Variants in GALNTL6 observed in about 807,000 individuals in gnomAD.
GALNTL6 encodes the protein polypeptide N-acetylgalactosaminyltransferase-like 6.
Under a neutral mutation model 73.7 loss-of-function variants are expected in GALNTL6, and 46 were observed. The observed-to-expected ratio is 0.62, with a 90% CI of 0.49 to 0.80. GALNTL6 has a LOEUF of 0.80. GALNTL6 is among the 30% of genes least tolerant of loss of function. The probability of loss-of-function intolerance (pLI) is 0.00; values close to 1 mark genes in which losing one functional copy is unlikely to be tolerated. For synonymous variants in GALNTL6, 259 were observed against 263.7 expected, an observed-to-expected ratio of 0.98 and a Z score of 0.17; for missense variants, 604 against 755.0, an observed-to-expected ratio of 0.80 and a Z score of 2.34.
rs558723460 is a variant in GALNTL6, at chr4:172,361,734, G to A, written c.553+13045G>A. Among the ~76,000 whole-genome samples the A allele has an allele frequency of 2.1e-4, 32 of 152,254 alleles. 1 individual carries two copies. In the South Asian group the frequency reaches 6.2e-3, roughly 30 times the overall value. ...GTTGAAGAAGAGGCCCTGGATGATGGTTCCAATCAAATAACCAATGACACA... is the reference window on the plus strand; with the variant it reads ...GTTGAAGAAGAGGCCCTGGATGATGATTCCAATCAAATAACCAATGACACA... On this transcript the variant is annotated intron_variant, in intron 5 of 12. Transcript: ENST00000506823.
At chr4:172,114,360 C>T (rs1732931605) in intron 2 of GALNTL6, among the ~76,000 whole-genome samples, 2 of 151,988 alleles carry the variant, frequency 1.3e-5, no homozygotes, top group South Asian at 4.1e-4. Context: ...AATCATCCTT[C>T]CTAATAAGAA....
intron 7 of GALNTL6, among the ~76,000 whole-genome samples, chr4:172,830,703 G>A (rs1742578289): frequency 6.6e-6 from 1 of 152,088 alleles, no homozygotes; most frequent in South Asian, 2.1e-4. Context: ...AAATCTTTCT[G>A]GTCTCTCCTC....
intron 3 of GALNTL6, among the ~76,000 whole-genome samples, chr4:172,251,695 AC>A (rs1174048206): frequency 6.6e-6 from 1 of 152,196 alleles, no homozygotes; most frequent in Admixed American, 6.6e-5. Context: ...GAACAGGTGA[AC>A]CTGGATTCCA....
At chr4:172,461,016 A>G (rs1043597640) in intron 5 of GALNTL6, among the ~76,000 whole-genome samples, 4 of 152,198 alleles carry the variant, frequency 2.6e-5, no homozygotes, top group Admixed American at 2.6e-4. Flanking sequence ...GCCCATATAT[A>G]CCATGGAATA....
intron 2 of GALNTL6, among the ~76,000 whole-genome samples, chr4:171,889,627 T>A (rs993174676): frequency 7.2e-5 from 11 of 152,096 alleles, no homozygotes; most frequent in African/African-American, 2.4e-4. Flanking sequence ...TTGCCTTATT[T>A]TAATGATTTA....
chr4:172,088,396 G>T (rs1304332915), intron 2 of GALNTL6, among the ~76,000 whole-genome samples: 1 of 152,118 alleles, frequency 6.6e-6, no homozygotes, highest in Non-Finnish European at 1.5e-5. Flanking sequence ...ATTTTAATGT[G>T]CATAGCATAA....
At chr4:172,014,455 C>T (rs1741122370) in intron 2 of GALNTL6, among the ~76,000 whole-genome samples, 2 of 151,970 alleles carry the variant, frequency 1.3e-5, no homozygotes, top group African/African-American at 4.8e-5. Flanking sequence ...TTTTGATTTG[C>T]ATTTCTTTGA....
chr4:172,706,255 A>G (rs1734347714), intron 5 of GALNTL6, among the ~76,000 whole-genome samples: 1 of 151,426 alleles, frequency 6.6e-6, no homozygotes, highest in Admixed American at 6.6e-5. Flanking sequence ...CCTCTAATGT[A>G]TTTTTCATTT....
At chr4:172,925,889 G>A (rs1240740822) in intron 8 of GALNTL6, among the ~76,000 whole-genome samples, 2 of 152,086 alleles carry the variant, frequency 1.3e-5, no homozygotes, top group Admixed American at 6.5e-5. Context: ...TGTTATGCAC[G>A]TACATCTGTA....
intron 5 of GALNTL6, among the ~76,000 whole-genome samples, chr4:172,598,253 C>T (rs1737936608): frequency 6.6e-6 from 1 of 152,078 alleles, no homozygotes; most frequent in South Asian, 2.1e-4. Context: ...AACATATTGG[C>T]AGTGATTTTT....
chr4:173,025,713 G>A (rs1250856223), intron 12 of GALNTL6, among the ~76,000 whole-genome samples: 10 of 152,132 alleles, frequency 6.6e-5, no homozygotes, highest in African/African-American at 2.2e-4. Flanking sequence ...TACTCATCTG[G>A]ATCCTTCACA....
rs756603346 is a variant in GALNTL6 at position 172,809,464 on chromosome 4, G to A, written c.657G>A (p.Gly219=). 4 of 1,613,714 alleles carry A rather than the reference G, an allele frequency of 2.5e-6. No homozygotes were observed. The South Asian group carries it at 4.4e-5, about 18-fold the overall frequency. Residue 219 remains glycine (G), a synonymous_variant, in exon 6 of 13, where the codon GGG becomes GGA. Coordinates refer to ENST00000506823, the MANE Select transcript of GALNTL6 (RefSeq NM_001034845.3). The surrounding 1 kb of genome is among the most constrained non-coding windows in gnomAD (Gnocchi z 4.4). ...REGLIRTRLL[G]ASMARGEVLT... is the part of the protein sequence containing the mutation. The stretch of plus-strand genomic sequence containing the variant: ...GACTCATCCGGACCCGTCTCCTGGG[G>A]GCATCTATGGCCAGAGGAGAAGTCC...
chr4:172,665,601 C>T (rs950727726), intron 5 of GALNTL6, among the ~76,000 whole-genome samples: 2 of 152,200 alleles, frequency 1.3e-5, no homozygotes, highest in Non-Finnish European at 1.5e-5. Context: ...TTGTTTCATG[C>T]ATATGCATAA....
At chr4:172,684,298 T>C (rs1732796816) in intron 5 of GALNTL6, among the ~76,000 whole-genome samples, 1 of 152,188 alleles carries the variant, frequency 6.6e-6, no homozygotes, top group Non-Finnish European at 1.5e-5. Flanking sequence ...ATTCATTCAT[T>C]CATGCATACA....
At chr4:172,294,003 A>G (rs1283756943) in intron 3 of GALNTL6, among the ~76,000 whole-genome samples, 1 of 151,288 alleles carries the variant, frequency 6.6e-6, no homozygotes, top group East Asian at 1.9e-4. Flanking sequence ...TTTTTCTTGA[A>G]CTCATTTAGG....
intron 10 of GALNTL6, among the ~76,000 whole-genome samples, chr4:173,004,731 T>G (rs1180642618): frequency 6.6e-6 from 1 of 152,184 alleles, no homozygotes; most frequent in East Asian, 1.9e-4. Context: ...CCAGAAATAT[T>G]GGAAGTCTCA....
intron 2 of GALNTL6, among the ~76,000 whole-genome samples, chr4:171,842,615 A>G (rs750562157): frequency 6.6e-6 from 1 of 152,126 alleles, no homozygotes; most frequent in Non-Finnish European, 1.5e-5. Flanking sequence ...TCGACATGTC[A>G]TATGGTGAGA....
At chr4:172,736,815 C>G (rs1325050573) in intron 5 of GALNTL6, among the ~76,000 whole-genome samples, 1 of 152,152 alleles carries the variant, frequency 6.6e-6, no homozygotes, top group African/African-American at 2.4e-5. Flanking sequence ...CATTCGGGGT[C>G]CCTGACTTCC....
At chr4:172,549,499 C>A (rs7691982) in intron 5 of GALNTL6, among the ~76,000 whole-genome samples, 133,482 of 152,172 alleles carry the variant, frequency 0.88, 58,609 homozygotes, top group African/African-American at 0.92. Context: ...GTGATATCTA[C>A]AATTTAAAAG....
Sources: allele counts gnomAD v4.1 joint callset (sites outside exome capture counted in the v4.1 genomes callset), GRCh38; gene constraint gnomAD v4.1.1; non-coding constraint Gnocchi (gnomAD v3.1); transcripts MANE v1.5; gene names NCBI Gene and HGNC (gene_info 2026-07-23, HGNC 2026-07-21).